NDFIP1: variants seen among roughly 807,000 people sequenced by gnomAD.
NDFIP1 encodes NEDD4 family-interacting protein 1.
In NDFIP1, 7 loss-of-function variants were observed where a neutral mutation model predicts 28.8. That is an observed-to-expected ratio of 0.24 (90% CI 0.14 to 0.46). The LOEUF is 0.46. NDFIP1 is among the 20% of genes least tolerant of loss of function. The pLI is 0.99. For synonymous variants in NDFIP1, 92 were observed against 101.0 expected (o/e 0.91, Z 0.53); for missense variants, 194 against 269.1 (o/e 0.72, Z 1.95).
chr5:142,142,940 A>AAAAAAAAAT (rs60076432), intron 6 of NDFIP1: 14 of 38,160 alleles, frequency 3.7e-4, no homozygotes, highest in African/African-American at 5.0e-4. Context: ...AAAAAAAAAA[A>AAAAAAAAAT]ATATATATAT....
intron 5 of NDFIP1, chr5:142,138,290 C>T (rs1757295114): frequency 6.5e-6 from 1 of 153,960 alleles, no homozygotes; most frequent in South Asian, 2.0e-4. Context: ...CTCTCCCTTC[C>T]AGGATTGCTT....
chr5:142,111,134 C>T (rs1409083883), intron 1 of NDFIP1, among the ~76,000 whole-genome samples: 7 of 151,472 alleles, frequency 4.6e-5, no homozygotes, highest in Non-Finnish European at 1.0e-4. Context: ...TTTATGAGCC[C>T]CGATCATACT....
chr5:142,141,549 A>G (rs1359336046), intron 6 of NDFIP1, among the ~76,000 whole-genome samples: 2 of 152,096 alleles, frequency 1.3e-5, no homozygotes, highest in Non-Finnish European at 2.9e-5. Flanking sequence ...AGAGATGAAC[A>G]TTGGAGTAAA....
chr5:142,118,069 A>G (rs1038519588), intron 1 of NDFIP1, among the ~76,000 whole-genome samples: 1 of 152,124 alleles, frequency 6.6e-6, no homozygotes, highest in Non-Finnish European at 1.5e-5. Flanking sequence ...CACTGAGAAG[A>G]CAGTAGAGAG....
intron 1 of NDFIP1, among the ~76,000 whole-genome samples, 155 bp downstream of exon 1, chr5:142,109,192 G>T (rs1175763922): frequency 6.6e-6 from 1 of 152,082 alleles, no homozygotes. Context: ...CCCCGGGCTC[G>T]GATTCGAGGC....
chr5:142,143,233 G>T (rs1044473833), intron 6 of NDFIP1: 1 of 151,938 alleles, frequency 6.6e-6, no homozygotes, highest in Non-Finnish European at 1.5e-5. Flanking sequence ...TACTTTTCTT[G>T]AAAGTTGGAA....
intron 1 of NDFIP1, among the ~76,000 whole-genome samples, chr5:142,122,972 T>G (rs1054903426): frequency 5.9e-5 from 9 of 152,162 alleles, no homozygotes; most frequent in Admixed American, 5.2e-4. Context: ...TTGGTTTTGT[T>G]TTGTGTTTTA....
At chr5:142,113,998 A>G (rs1266837808) in intron 1 of NDFIP1, among the ~76,000 whole-genome samples, 3 of 152,222 alleles carry the variant, frequency 2.0e-5, no homozygotes, top group Non-Finnish European at 4.4e-5. Context: ...CATTGTGAGT[A>G]ATGCTGCTAT....
chr5:142,129,867 C>T (rs1280234101), intron 1 of NDFIP1, among the ~76,000 whole-genome samples: 4 of 146,904 alleles, frequency 2.7e-5, no homozygotes, highest in African/African-American at 7.5e-5. Flanking sequence ...GCCGAGATCC[C>T]ACCATTGCTC....
intron 1 of NDFIP1, among the ~76,000 whole-genome samples, chr5:142,118,945 T>C (rs773540094): frequency 1.3e-5 from 2 of 152,198 alleles, no homozygotes; most frequent in Non-Finnish European, 2.9e-5. Context: ...CAGGCATTTT[T>C]CCAAGGAGCC....
chr5:142,115,668 T>TGGC (rs1757059996), intron 1 of NDFIP1, among the ~76,000 whole-genome samples: 1 of 152,166 alleles, frequency 6.6e-6, no homozygotes, highest in African/African-American at 2.4e-5. Flanking sequence ...CATGATGGTT[T>TGGC]ATCTTTTTTT....
At chr5:142,145,226 GA>G (rs1400092046) in intron 7 of NDFIP1, among the ~76,000 whole-genome samples, 2 of 152,216 alleles carry the variant, frequency 1.3e-5, no homozygotes, top group African/African-American at 4.8e-5. Context: ...CTAATGTGAG[GA>G]AGGTCAAACT....
intron 1 of NDFIP1, among the ~76,000 whole-genome samples, chr5:142,130,377 G>A (rs1439027663): frequency 6.6e-6 from 1 of 152,136 alleles, no homozygotes; most frequent in African/African-American, 2.4e-5. Flanking sequence ...GATATCTATT[G>A]ACAGATATAT....
intron 2 of NDFIP1, 65 bp downstream of exon 2, chr5:142,131,960 T>TA (rs556414620): frequency 0.02 from 21,591 of 1,099,358 alleles, no homozygotes; most frequent in South Asian, 0.023. Flanking sequence ...CATTACAGTT[T>TA]AAAAAAAAAA....
In NDFIP1 at chr5:142,131,039, C is replaced by T. The variant is rs576459092; in HGVS notation, c.64-769C>T. ...GCACAATCTTAGCTCGCTGCAGCCACGACCTCCTGGGTTCAAGCCATCCTG... is the reference window on the plus strand; with the variant it reads ...GCACAATCTTAGCTCGCTGCAGCCATGACCTCCTGGGTTCAAGCCATCCTG... On this transcript the variant is annotated intron_variant, in intron 1 of 7. Coordinates refer to ENST00000253814, the MANE Select transcript of NDFIP1 (RefSeq NM_030571.4). Among the ~76,000 whole-genome samples the T allele has an allele frequency of 2.7e-3, 413 of 152,018 alleles. 2 individuals are homozygous for T. Among genetic ancestry groups the T allele is most frequent in the African/African-American group, 9.4e-3 (388 of 41,450 alleles).
intron 1 of NDFIP1, among the ~76,000 whole-genome samples, chr5:142,126,040 T>C (rs555305856): frequency 6.6e-6 from 1 of 152,334 alleles, no homozygotes; most frequent in South Asian, 2.1e-4. Context: ...AGAGAATTTT[T>C]CTTGAATGTA....
At chr5:142,140,538 T>G in intron 5 of NDFIP1, 25 bp from the exon 6 acceptor site, 3 of 1,588,776 alleles carry the variant, frequency 1.9e-6, no homozygotes, top group Non-Finnish European at 2.6e-6. Context: ...TAAGCTGCTA[T>G]AAAGTGTTTT....
chr5:142,151,251 C>T (rs970810144), intron 7 of NDFIP1, among the ~76,000 whole-genome samples: 5 of 152,094 alleles, frequency 3.3e-5, no homozygotes, highest in Admixed American at 6.6e-5. Flanking sequence ...TTGCCATGCT[C>T]GGTTGAGGTA....
chr5:142,120,847 AC>A (rs1382619197), intron 1 of NDFIP1, among the ~76,000 whole-genome samples: 9 of 152,302 alleles, frequency 5.9e-5, no homozygotes, highest in Admixed American at 4.6e-4. Flanking sequence ...TGATGCACCT[AC>A]TTTTTGGCTC....
Sources: allele counts gnomAD v4.1 joint callset (sites outside exome capture counted in the v4.1 genomes callset), GRCh38; gene constraint gnomAD v4.1.1; transcripts MANE v1.5; gene names NCBI Gene and HGNC (gene_info 2026-07-23, HGNC 2026-07-21).